DNAAF9: variants seen among roughly 807,000 people sequenced by gnomAD.
DNAAF9 encodes shulin.
Under a neutral mutation model 167.0 loss-of-function variants are expected in DNAAF9, and 90 were observed. The observed-to-expected ratio is 0.54, with a 90% CI of 0.45 to 0.64. DNAAF9 has a LOEUF of 0.64. DNAAF9 is among the 30% of genes least tolerant of loss of function. The pLI is 0.00. For synonymous variants in DNAAF9, 491 were observed against 508.8 expected, an observed-to-expected ratio of 0.96 and a Z score of 0.47; for missense variants, 1,315 against 1,442.2, an observed-to-expected ratio of 0.91 and a Z score of 1.43.
intron 20 of DNAAF9, among the ~76,000 whole-genome samples, chr20:3,310,341 G>GAAAGAAAGA (rs1555790624): frequency 1.4e-5 from 2 of 138,134 alleles, no homozygotes; most frequent in African/African-American, 2.7e-5. Context: ...GAAAAAGAAA[G>GAAAGAAAGA]AAAGAAAGAA....
chr20:3,346,616 T>C (rs2070198623), intron 8 of DNAAF9, among the ~76,000 whole-genome samples: 1 of 152,088 alleles, frequency 6.6e-6, no homozygotes, highest in Admixed American at 6.6e-5. Flanking sequence ...AAGGTGAGAA[T>C]ATGAGAAAAT....
rs144287975 is a variant in DNAAF9, at chr20:3,360,699, C to T, written c.613-1106G>A. On this transcript the variant is annotated intron_variant, in intron 6 of 36. Coordinates refer to ENST00000252032, the MANE Select transcript of DNAAF9 (RefSeq NM_001009984.3). Reference sequence around the variant, plus strand: ...GCAGCACCAAAACCAAGGCATGCACCGGATTCAAGGTTCTTTTTGTTCCAG... The same window carrying T: ...GCAGCACCAAAACCAAGGCATGCACTGGATTCAAGGTTCTTTTTGTTCCAG... 2.5e-3 allele frequency among the ~76,000 whole-genome samples: 382 copies of T among 152,148 alleles called. 1 individual carries two copies. Among genetic ancestry groups the T allele is most frequent in the African/African-American group, 8.8e-3 (367 of 41,508 alleles).
chr20:3,391,376 C>T (rs1486417273), intron 1 of DNAAF9, among the ~76,000 whole-genome samples: 1 of 151,970 alleles, frequency 6.6e-6, no homozygotes, highest in Non-Finnish European at 1.5e-5. Context: ...TCCCAGCAGC[C>T]GGAATTAACC....
At chr20:3,259,893 G>T in intron 32 of DNAAF9, 29 bp downstream of exon 32, 1 of 1,287,462 alleles carries the variant, frequency 7.8e-7, no homozygotes, top group Non-Finnish European at 1.1e-6. Context: ...CCTTTTTCCA[G>T]TGTCTAGGAC....
chr20:3,346,589 TA>T (rs2070198298), intron 8 of DNAAF9, among the ~76,000 whole-genome samples: 1 of 152,176 alleles, frequency 6.6e-6, no homozygotes, highest in African/African-American at 2.4e-5. Context: ...GACTATATGC[TA>T]CCCTTCAATG....
intron 27 of DNAAF9, among the ~76,000 whole-genome samples, chr20:3,286,257 G>A (rs2068851840): frequency 6.6e-6 from 1 of 152,182 alleles, no homozygotes; most frequent in Non-Finnish European, 1.5e-5. Flanking sequence ...GGCTGTGATG[G>A]GACAAAGGCT....
At chr20:3,309,744 G>A (rs1040278883) in intron 20 of DNAAF9, among the ~76,000 whole-genome samples, 2 of 152,140 alleles carry the variant, frequency 1.3e-5, no homozygotes, top group Non-Finnish European at 2.9e-5. Context: ...TAAAATATAT[G>A]AATCACATAG....
intron 29 of DNAAF9, among the ~76,000 whole-genome samples, chr20:3,274,277 G>C (rs561327634): frequency 6.6e-6 from 1 of 151,992 alleles, no homozygotes; most frequent in Non-Finnish European, 1.5e-5. Flanking sequence ...TGAGTAGCTG[G>C]AATTACAGGC....
intron 6 of DNAAF9, among the ~76,000 whole-genome samples, chr20:3,366,642 A>G (rs1483130146): frequency 6.6e-6 from 1 of 152,154 alleles, no homozygotes; most frequent in Non-Finnish European, 1.5e-5. Flanking sequence ...AAAGTCCTAG[A>G]GGCTGGGCGC....
chr20:3,364,940 C>CAT (rs2083410620), intron 6 of DNAAF9, among the ~76,000 whole-genome samples: 1 of 143,034 alleles, frequency 7.0e-6, no homozygotes, highest in African/African-American at 2.6e-5. Flanking sequence ...CCTTCTTTTC[C>CAT]TTTTTTCTTT....
intron 23 of DNAAF9, chr20:3,295,858 A>C: frequency 9.9e-7 from 1 of 1,006,834 alleles, no homozygotes; most frequent in Non-Finnish European, 1.6e-6. Context: ...CCCAAACGAC[A>C]TCCTTTAATG....
At chr20:3,393,950 C>T (rs548134824) in intron 1 of DNAAF9, among the ~76,000 whole-genome samples, 2 of 152,268 alleles carry the variant, frequency 1.3e-5, no homozygotes, top group South Asian at 4.1e-4. Flanking sequence ...ATCTACATTT[C>T]TTTTTCTATG....
At chr20:3,322,781 A>C in intron 14 of DNAAF9, 85 bp from the exon 15 acceptor site, 1 of 938,734 alleles carries the variant, frequency 1.1e-6, no homozygotes, top group Non-Finnish European at 1.8e-6. Flanking sequence ...TGGGATTCTC[A>C]AGGCCACACA....
chr20:3,384,596 C>A (rs761881416), intron 1 of DNAAF9, among the ~76,000 whole-genome samples: 2 of 149,510 alleles, frequency 1.3e-5, no homozygotes, highest in Non-Finnish European at 3.0e-5. Flanking sequence ...TAGACTCGAA[C>A]TCCTGGGCTC....
At chr20:3,361,277 G>C (rs1379726822) in intron 6 of DNAAF9, among the ~76,000 whole-genome samples, 1 of 152,156 alleles carries the variant, frequency 6.6e-6, no homozygotes, top group East Asian at 1.9e-4. Flanking sequence ...GTGAGTGGAA[G>C]GGTTACAATC....
In DNAAF9 at chr20:3,381,367, A is replaced by C. The variant is rs2123243489; in HGVS notation, c.283+12T>G. The C allele has an allele frequency of 3.1e-6, 5 of 1,601,252 alleles. No individual in the cohort carries two copies. In the South Asian group the frequency reaches 5.5e-5, roughly 18 times the overall value. ...CTCTTCTATCACACAGAGTTTACCA[A>C]TATATACTTACCATCTAGTACTTCT... On this transcript the variant is annotated intron_variant, in intron 3 of 36. Coordinates refer to ENST00000252032, the MANE Select transcript of DNAAF9 (RefSeq NM_001009984.3).
At chr20:3,340,449 A>ACCCC in intron 10 of DNAAF9, 55 bp downstream of exon 10, 1 of 141,562 alleles carries the variant, frequency 7.1e-6, no homozygotes, top group Admixed American at 7.7e-5. Context: ...CACCCACCCC[A>ACCCC]CCCCCACAAC....
In DNAAF9 at chr20:3,407,637, T is replaced by C; in HGVS notation, c.-80A>G. 8.7e-6 allele frequency: 10 copies of C among 1,153,026 alleles called. No individual in the cohort carries two copies. Among genetic ancestry groups the C allele is most frequent in the Non-Finnish European group, 1.1e-5 (10 of 938,024 alleles). The allele number at this position is 1,153,026 out of a possible 1,614,324, so 71.4% of individuals were successfully genotyped here. ...GCCCGCAGGGCGGCTCCACGCTAGC[T>C]GCGGCCGGGCGGGGCGGCAGGGCGT... On this transcript the variant is annotated 5_prime_UTR_variant, in exon 1 of 37. Coordinates refer to ENST00000252032, the MANE Select transcript of DNAAF9 (RefSeq NM_001009984.3).
At chr20:3,405,526 T>C (rs1315603608) in intron 1 of DNAAF9, among the ~76,000 whole-genome samples, 4 of 152,206 alleles carry the variant, frequency 2.6e-5, no homozygotes, top group Non-Finnish European at 2.9e-5. Flanking sequence ...ACCAAAGGTA[T>C]TGGGGGCAGC....
Sources: gnomAD v4.1 joint callset for allele counts (sites outside exome capture counted in the v4.1 genomes callset) on GRCh38, gnomAD v4.1.1 for gene constraint, MANE v1.5 for transcripts, NCBI Gene and HGNC (gene_info 2026-07-23, HGNC 2026-07-21) for gene names.